SETD5: variants seen among roughly 807,000 people sequenced by gnomAD.
SETD5 encodes SET domain containing 5, also known as histone-lysine N-methyltransferase SETD5.
Under a neutral mutation model 153.3 loss-of-function variants are expected in SETD5, and 44 were observed. That is an observed-to-expected ratio of 0.29 (90% CI 0.23 to 0.37). SETD5 has a LOEUF of 0.37. Ranked by LOEUF, SETD5 falls within the 10% of genes least tolerant of loss-of-function variation. The probability of loss-of-function intolerance (pLI) is 1.00; values close to 1 mark genes in which losing one functional copy is unlikely to be tolerated. For synonymous variants in SETD5, 716 were observed against 645.2 expected (o/e 1.11, Z -1.66); for missense variants, 1,544 against 1,768.0 (o/e 0.87, Z 2.27).
chr3:9,411,697 A>G (rs2036594203), intron 1 of SETD5, among the ~76,000 whole-genome samples: 1 of 152,252 alleles, frequency 6.6e-6, no homozygotes, highest in Non-Finnish European at 1.5e-5. Flanking sequence ...ATAAGCATCC[A>G]GTAAATGCTG....
At chr3:9,463,231 C>T (rs2125484087) in intron 17 of SETD5, among the ~76,000 whole-genome samples, 1 of 152,232 alleles carries the variant, frequency 6.6e-6, no homozygotes, top group East Asian at 1.9e-4. Flanking sequence ...CCATATTGGC[C>T]AGGCTGGTCT....
intron 7 of SETD5, chr3:9,436,776 A>C: frequency 1.5e-6 from 2 of 1,320,112 alleles, no homozygotes; most frequent in Non-Finnish European, 2.1e-6. Flanking sequence ...CCTTAGTTTT[A>C]GTCTCAGATA....
intron 1 of SETD5, among the ~76,000 whole-genome samples, chr3:9,414,077 G>A (rs933066850): frequency 2.0e-5 from 3 of 152,142 alleles, no homozygotes; most frequent in Non-Finnish European, 2.9e-5. Context: ...TCCTGGCCAA[G>A]ACCTAGAAGT....
intron 2 of SETD5, among the ~76,000 whole-genome samples, chr3:9,425,851 G>A (rs1017787904): frequency 2.6e-5 from 4 of 152,070 alleles, no homozygotes; most frequent in African/African-American, 7.2e-5. Flanking sequence ...TATTAAGTAC[G>A]GTTTTTGGTT....
Position 9,475,973 on chromosome 3 carries a change from G to T in SETD5, c.4211G>T (p.Arg1404Met). 4 of 1,614,028 alleles carry T rather than the reference G, an allele frequency of 2.5e-6. No individual in the cohort carries two copies. Among genetic ancestry groups the T allele is most frequent in the Non-Finnish European group, 3.4e-6 (4 of 1,179,888 alleles). The change falls in exon 23 of 23, where the codon AGG becomes ATG. Residue 1404 changes from arginine (R) to methionine (M), a missense_variant. This residue lies in a region of SETD5 where 302 missense variants were observed against 277.6 expected (regional missense o/e 1.09). Coordinates refer to ENST00000402198, the MANE Select transcript of SETD5 (RefSeq NM_001080517.3). ...AGQSAVYQAS[R>M]VSAVSNSQHY... ...CAGTCAGCTGTCTACCAGGCCTCCA[G>T]GGTATCTGCGGTTTCCAATTCACAG...
At chr3:9,459,890 C>T (rs771343773) in intron 17 of SETD5, among the ~76,000 whole-genome samples, 95 of 152,074 alleles carry the variant, frequency 6.2e-4, no homozygotes, top group Admixed American at 2.1e-3. Context: ...GATAAAATAA[C>T]ATACTATGAT....
At chr3:9,474,961 G>C in intron 21 of SETD5, 107 bp from the exon 22 acceptor site, 1 of 973,424 alleles carries the variant, frequency 1.0e-6, no homozygotes, top group South Asian at 1.6e-5. Flanking sequence ...GTCACAAAGA[G>C]AGCAGTACGG....
chr3:9,457,405 T>C (rs1297732465), intron 17 of SETD5, among the ~76,000 whole-genome samples: 1 of 152,020 alleles, frequency 6.6e-6, no homozygotes, highest in African/African-American at 2.4e-5. Flanking sequence ...GAAAATAGCA[T>C]GAACCCAGGA....
intron 19 of SETD5, among the ~76,000 whole-genome samples, chr3:9,471,711 A>G (rs773445368): frequency 9.1e-4 from 139 of 152,194 alleles, no homozygotes; most frequent in Non-Finnish European, 3.4e-4. Flanking sequence ...CTTTTGTATA[A>G]GTGGTTCTCA....
Position 9,473,421 on chromosome 3 carries a change from C to T in SETD5, c.3381C>T (p.His1127=), listed in dbSNP as rs762475599. 6.2e-7 allele frequency: 1 copy of T among 1,613,960 alleles called. No individual in the cohort carries two copies. Among genetic ancestry groups the T allele is most frequent in the East Asian group, 2.2e-5 (1 of 44,886 alleles). Reference sequence around the variant, plus strand: ...CAGCCCGAACTCCATCTTCCCCTCACAAAAAATTCTCCCCATCTCATTCCT... The same window carrying T: ...CAGCCCGAACTCCATCTTCCCCTCATAAAAAATTCTCCCCATCTCATTCCT... The part of the protein sequence containing the change: ...GSSARTPSSP[H]KKFSPSHSSM... Residue 1127 remains histidine, a synonymous_variant, in exon 20 of 23, where the codon CAC becomes CAT. Coordinates refer to ENST00000402198, the MANE Select transcript of SETD5 (RefSeq NM_001080517.3).
intron 7 of SETD5, chr3:9,436,794 C>T (rs1158746114): frequency 4.7e-6 from 7 of 1,477,602 alleles, no homozygotes; most frequent in Non-Finnish European, 6.5e-6. Flanking sequence ...ATAGGTATAA[C>T]TGTCATTCTT....
At position 9,433,772 on chromosome 3, in the gene SETD5, T is replaced by C. The variant is rs569324770; in HGVS notation, c.72-73T>C. The C allele has an allele frequency of 1.5e-5, 22 of 1,453,092 alleles. No individual in the cohort carries two copies. In the African/African-American group the frequency reaches 3.1e-4, roughly 20 times the overall value. 90.0% of individuals were successfully genotyped at this position (1,453,092 alleles called of 1,614,324 possible). On this transcript the variant is annotated intron_variant, in intron 3 of 22. Transcript: ENST00000402198. Reference sequence around the variant, plus strand: ...GTTGTGGAAAGAGGAGGGGTTAGAATGGGAAATGAAGTGTTAGTTTAAGGG... The same window carrying C: ...GTTGTGGAAAGAGGAGGGGTTAGAACGGGAAATGAAGTGTTAGTTTAAGGG...
At chr3:9,410,944 A>G (rs1021804019) in intron 1 of SETD5, among the ~76,000 whole-genome samples, 2 of 149,390 alleles carry the variant, frequency 1.3e-5, no homozygotes, top group Non-Finnish European at 3.0e-5. Flanking sequence ...GCTGGAGTGC[A>G]GTGGCATGAT....
At chr3:9,442,738 G>C (rs1024631450) in intron 10 of SETD5, among the ~76,000 whole-genome samples, 1 of 152,168 alleles carries the variant, frequency 6.6e-6, no homozygotes, top group African/African-American at 2.4e-5. Flanking sequence ...GCTGGAAACA[G>C]CTATAAGATG....
intron 18 of SETD5, among the ~76,000 whole-genome samples, chr3:9,467,932 T>G (rs2125547434): frequency 6.6e-6 from 1 of 151,954 alleles, no homozygotes; most frequent in South Asian, 2.1e-4. Context: ...AAGAACCAAC[T>G]CTAGCCTGTG....
rs774472590 is a variant in SETD5 at position 9,447,299 on chromosome 3, C to G, written c.1774C>G (p.Gln592Glu). ...SVGVNTRRSS[Q>E]AGDIAAEKLV... The stretch of plus-strand genomic sequence containing the variant: ...TGGTGTGAATACCCGGAGGTCTTCC[C>G]AAGCAGGGGTAAGAGTTGAAAAGAC... The change falls in exon 14 of 23, where the codon CAA becomes GAA. Residue 592 changes from glutamine (Q) to glutamate (E), a missense_variant. Physicochemically the swap from Gln to Glu is conservative, Grantham distance 29. Around this residue, in one of 9 missense-constraint regions of SETD5, gnomAD observed 782 missense variants for 787.2 expected, o/e 0.99. Coordinates refer to ENST00000402198, the MANE Select transcript of SETD5 (RefSeq NM_001080517.3). 8 of 1,612,662 alleles carry G rather than the reference C, an allele frequency of 5.0e-6. No homozygotes were observed. The highest frequency in any genetic ancestry group is 6.8e-6 in the Non-Finnish European group (8 of 1,179,422).
At chr3:9,411,793 C>T (rs1015716838) in intron 1 of SETD5, among the ~76,000 whole-genome samples, 3 of 152,100 alleles carry the variant, frequency 2.0e-5, no homozygotes, top group Admixed American at 6.5e-5. Flanking sequence ...TAGTAATGTT[C>T]ATATGCTGTA....
At chr3:9,458,694 T>C (rs896853170) in intron 17 of SETD5, among the ~76,000 whole-genome samples, 2 of 152,202 alleles carry the variant, frequency 1.3e-5, no homozygotes, top group African/African-American at 4.8e-5. Context: ...GATTAGTACA[T>C]TGGGGAAAGG....
chr3:9,471,424 A>G (rs1247637524), intron 19 of SETD5, among the ~76,000 whole-genome samples: 1 of 152,230 alleles, frequency 6.6e-6, no homozygotes, highest in African/African-American at 2.4e-5. Flanking sequence ...CTGAATCTCA[A>G]ACAATAAGTA....
Sources: gnomAD v4.1 joint callset for allele counts (sites outside exome capture counted in the v4.1 genomes callset) on GRCh38, gnomAD v4.1.1 for gene constraint, gnomAD v4.1.1 regional missense constraint, MANE v1.5 for transcripts, NCBI Gene and HGNC (gene_info 2026-07-23, HGNC 2026-07-21) for gene names.